Variants in PRKCQ observed in about 807,000 individuals in gnomAD.
PRKCQ encodes protein kinase C theta type.
A neutral mutation model predicts 91.2 loss-of-function variants in PRKCQ; 41 were observed. That is an observed-to-expected ratio of 0.45 (90% CI 0.35 to 0.58). The LOEUF is 0.58. Among genes scored for constraint, PRKCQ ranks in the 20% least tolerant of loss-of-function variants. PRKCQ has a pLI of 0.00. For synonymous variants in PRKCQ, 307 were observed against 316.9 expected (o/e 0.97, Z 0.33); for missense variants, 673 against 896.5 (o/e 0.75, Z 3.18).
At chr10:6,533,822 C>T (rs981801760) in intron 1 of PRKCQ, among the ~76,000 whole-genome samples, 1 of 152,096 alleles carries the variant, frequency 6.6e-6, no homozygotes, top group Non-Finnish European at 1.5e-5. Flanking sequence ...TGTCTACCAG[C>T]TAAAACCTAC....
In PRKCQ at chr10:6,441,873, C is replaced by T. The variant is rs376201159; in HGVS notation, c.1836+20G>A. 79 of 1,584,162 alleles carry T rather than the reference C, an allele frequency of 5.0e-5. No individual in the cohort carries two copies. The highest frequency in any genetic ancestry group is 1.1e-5 in the South Asian group (1 of 89,252). On this transcript the variant is annotated intron_variant, in intron 16 of 17. Coordinates refer to ENST00000263125, the MANE Select transcript of PRKCQ (RefSeq NM_006257.5). ...ACCTAATGCTCGTCTTATGAAGACGCTCTTGGCTTCGCTTCTTACCTTCAC... is the reference window on the plus strand; with the variant it reads ...ACCTAATGCTCGTCTTATGAAGACGTTCTTGGCTTCGCTTCTTACCTTCAC...
intron 1 of PRKCQ, among the ~76,000 whole-genome samples, chr10:6,535,232 GTCTC>G (rs1464462821): frequency 6.6e-6 from 1 of 152,138 alleles, no homozygotes; most frequent in Admixed American, 6.5e-5. Flanking sequence ...AATTTAACAA[GTCTC>G]TCTTTCACCT....
At chr10:6,515,736 T>C (rs997481278) in intron 1 of PRKCQ, among the ~76,000 whole-genome samples, 1 of 152,190 alleles carries the variant, frequency 6.6e-6, no homozygotes, top group Non-Finnish European at 1.5e-5. Context: ...ACAAACCACG[T>C]AGAAAACTCC....
intron 7 of PRKCQ, 140 bp from the exon 8 acceptor site, chr10:6,491,952 T>C (rs915494543): frequency 7.8e-7 from 1 of 1,281,048 alleles, no homozygotes; most frequent in African/African-American, 1.5e-5. Flanking sequence ...CATTGTCACT[T>C]GTCAAGCCCT....
chr10:6,438,835 C>T (rs1298831990), intron 16 of PRKCQ, among the ~76,000 whole-genome samples: 5 of 152,162 alleles, frequency 3.3e-5, no homozygotes, highest in Admixed American at 1.3e-4. Flanking sequence ...GCTGCTCAAG[C>T]AATCCTCCCA....
At chr10:6,462,986 C>T (rs931147863) in intron 13 of PRKCQ, among the ~76,000 whole-genome samples, 3 of 140,680 alleles carry the variant, frequency 2.1e-5, no homozygotes, top group East Asian at 2.1e-4. Flanking sequence ...GCATGGACGA[C>T]AGAGCAAGAC....
chr10:6,424,821 T>G (rs1833078775), downstream of PRKCQ, among the ~76,000 whole-genome samples: 1 of 152,222 alleles, frequency 6.6e-6, no homozygotes, highest in African/African-American at 2.4e-5. Context: ...TCAGCCAAAC[T>G]CTCAGTCTGT....
intron 12 of PRKCQ, 23 bp downstream of exon 12, chr10:6,478,969 G>A: frequency 6.2e-7 from 1 of 1,612,434 alleles, no homozygotes. Context: ...GGGGAGGTAG[G>A]GTTGTCGGAG....
At chr10:6,523,232 T>C (rs1839080915) in intron 1 of PRKCQ, among the ~76,000 whole-genome samples, 1 of 152,132 alleles carries the variant, frequency 6.6e-6, no homozygotes, top group Admixed American at 6.6e-5. Flanking sequence ...GGAGGATCAC[T>C]TGAGCCTAGG....
chr10:6,422,249 T>G (rs1265201362), downstream of PRKCQ, among the ~76,000 whole-genome samples: 3 of 152,234 alleles, frequency 2.0e-5, no homozygotes, highest in Admixed American at 6.5e-5. Context: ...CGTTATTCAC[T>G]TCTCATATGG....
intron 3 of PRKCQ, among the ~76,000 whole-genome samples, chr10:6,509,812 A>T: frequency 6.6e-6 from 1 of 152,248 alleles, no homozygotes; most frequent in Non-Finnish European, 1.5e-5. Context: ...TTTTAAAAAA[A>T]ATCTTGGCAT....
chr10:6,559,342 T>C (rs1161425889), intron 1 of PRKCQ, among the ~76,000 whole-genome samples: 1 of 152,080 alleles, frequency 6.6e-6, no homozygotes, highest in Non-Finnish European at 1.5e-5. Flanking sequence ...TGCCTTTTTC[T>C]AGATCATCTA....
intron 12 of PRKCQ, among the ~76,000 whole-genome samples, chr10:6,474,866 T>C (rs767898155): frequency 6.6e-6 from 1 of 152,218 alleles, no homozygotes; most frequent in African/African-American, 2.4e-5. Flanking sequence ...GGAAATCTAG[T>C]AGTGCAAAAG....
At chr10:6,405,994 C>T in the PRKCQ span, among the ~76,000 whole-genome samples, 1 of 152,200 alleles carries the variant, frequency 6.6e-6, no homozygotes, top group African/African-American at 2.4e-5. Flanking sequence ...AGAGCTCGCA[C>T]ATTCAGAGGG....
intron 15 of PRKCQ, among the ~76,000 whole-genome samples, chr10:6,448,759 G>T (rs1834470545): frequency 2.0e-5 from 3 of 152,110 alleles, no homozygotes; most frequent in Admixed American, 1.3e-4. Context: ...ATGAAGCATA[G>T]ATATTTTTGT....
chr10:6,485,947 A>G (rs1836891522), intron 9 of PRKCQ, 88 bp downstream of exon 9: 3 of 1,173,512 alleles, frequency 2.6e-6, no homozygotes, highest in Non-Finnish European at 3.8e-6. Flanking sequence ...CATTTCCCAT[A>G]GGGCTGCCAC....
At chr10:6,519,812 T>A (rs1345067364) in intron 1 of PRKCQ, among the ~76,000 whole-genome samples, 1 of 152,158 alleles carries the variant, frequency 6.6e-6, no homozygotes, top group African/African-American at 2.4e-5. Flanking sequence ...CTCATAAATA[T>A]GTATAGATTT....
intron 12 of PRKCQ, among the ~76,000 whole-genome samples, chr10:6,472,464 G>A (rs1322004649): frequency 6.6e-6 from 1 of 152,180 alleles, no homozygotes; most frequent in Non-Finnish European, 1.5e-5. Context: ...AAACTGTAAG[G>A]AAACATTGTG....
At chr10:6,437,830 T>G (rs939368882) in intron 16 of PRKCQ, among the ~76,000 whole-genome samples, 6 of 152,060 alleles carry the variant, frequency 3.9e-5, no homozygotes, top group African/African-American at 1.4e-4. Flanking sequence ...TTTTTTTGTA[T>G]TTTTAGTAGA....
Sources: gnomAD v4.1 joint callset for allele counts (sites outside exome capture counted in the v4.1 genomes callset) on GRCh38, gnomAD v4.1.1 for gene constraint, MANE v1.5 for transcripts, NCBI Gene and HGNC (gene_info 2026-07-23, HGNC 2026-07-21) for gene names.